The following AGBL4 variants were observed in gnomAD, a reference collection of about 807,000 sequenced individuals.
AGBL4 encodes the protein AGBL carboxypeptidase 4.
A neutral mutation model predicts 66.4 loss-of-function variants in AGBL4; 58 were observed. The ratio of observed to expected loss-of-function variants is 0.87; its 90% CI spans 0.71 to 1.09. The LOEUF is 1.09. Among genes scored for constraint, AGBL4 ranks in the 50% least tolerant of loss-of-function variants. The pLI is 0.00. For synonymous variants in AGBL4, 234 were observed against 222.9 expected (o/e 1.05, Z -0.44); for missense variants, 579 against 631.0 (o/e 0.92, Z 0.88).
chr1:49,881,399 C>A (rs546581444), intron 1 of AGBL4, among the ~76,000 whole-genome samples: 21 of 152,116 alleles, frequency 1.4e-4, no homozygotes, highest in Non-Finnish European at 2.5e-4. Context: ...TGGGTATATA[C>A]CCAGTAATGG....
chr1:48,652,044 A>G (rs2148440455), intron 8 of AGBL4, among the ~76,000 whole-genome samples: 1 of 152,222 alleles, frequency 6.6e-6, no homozygotes, highest in East Asian at 1.9e-4. Flanking sequence ...GAGTTGTTCG[A>G]TAACCAGGCC....
At chr1:49,410,317 A>G (rs1390517564) in intron 3 of AGBL4, among the ~76,000 whole-genome samples, 2 of 152,144 alleles carry the variant, frequency 1.3e-5, no homozygotes, top group Admixed American at 1.3e-4. Context: ...TATGCTCCTA[A>G]CTTTCTTCCC....
chr1:48,953,445 T>C (rs914300521), intron 5 of AGBL4, among the ~76,000 whole-genome samples: 3 of 152,194 alleles, frequency 2.0e-5, no homozygotes, highest in East Asian at 3.9e-4. Flanking sequence ...GCTTGTGTGG[T>C]GTGTCTGATT....
At position 48,736,393 on chromosome 1, in the gene AGBL4, G is replaced by C. The variant is rs764938844; in HGVS notation, c.635-73152C>G. Reference sequence around the variant, plus strand: ...TCTTCGTGTACTTGGAATCTCCTTGGGTTACTTGTAGCTGGTGCCATTTCT... The same window carrying C: ...TCTTCGTGTACTTGGAATCTCCTTGCGTTACTTGTAGCTGGTGCCATTTCT... On this transcript the variant is annotated intron_variant, in intron 6 of 13. Transcript: ENST00000371839. The surrounding 1 kb of genome is among the most constrained non-coding windows in gnomAD (Gnocchi z 4.0). The C allele has an allele frequency of 1.9e-6, 3 of 1,613,912 alleles. No individual in the cohort carries two copies. The highest frequency in any genetic ancestry group is 2.7e-5 in the African/African-American group (2 of 74,834).
At chr1:49,312,149 A>T (rs1644952391) in intron 3 of AGBL4, among the ~76,000 whole-genome samples, 1 of 152,106 alleles carries the variant, frequency 6.6e-6, no homozygotes, top group African/African-American at 2.4e-5. Context: ...ATACCACAGT[A>T]TTAAGAGGTG....
intron 6 of AGBL4, among the ~76,000 whole-genome samples, chr1:48,853,756 G>A (rs1465331318): frequency 6.6e-6 from 1 of 152,014 alleles, no homozygotes; most frequent in Non-Finnish European, 1.5e-5. Flanking sequence ...TCATGGCTGG[G>A]CTAGGTTGAC....
chr1:49,990,445 TGAA>T (rs1225685862), intron 1 of AGBL4, among the ~76,000 whole-genome samples: 2 of 152,148 alleles, frequency 1.3e-5, no homozygotes, highest in Non-Finnish European at 1.5e-5. Flanking sequence ...TGCTGCCTTG[TGAA>T]GAAGGTGACT....
At chr1:48,930,513 A>T (rs1654950617) in intron 5 of AGBL4, among the ~76,000 whole-genome samples, 1 of 152,170 alleles carries the variant, frequency 6.6e-6, no homozygotes, top group Non-Finnish European at 1.5e-5. Flanking sequence ...AGCAACTTAC[A>T]TCTTGATATG....
At chr1:49,704,344 A>C (rs1271727193) in intron 2 of AGBL4, among the ~76,000 whole-genome samples, 2 of 152,104 alleles carry the variant, frequency 1.3e-5, no homozygotes, top group Non-Finnish European at 2.9e-5. Context: ...TGAGCAATTT[A>C]CTTTAACAAA....
chr1:48,746,230 G>GT (rs1008689642), intron 6 of AGBL4, among the ~76,000 whole-genome samples: 6 of 152,108 alleles, frequency 3.9e-5, no homozygotes, highest in South Asian at 2.1e-4. Flanking sequence ...TACAGAGTGG[G>GT]TTTTTTTGGT....
intron 4 of AGBL4, among the ~76,000 whole-genome samples, chr1:49,058,426 G>A (rs1201060635): frequency 6.6e-6 from 1 of 152,200 alleles, no homozygotes. Context: ...TTGCCATCAT[G>A]TGAAGGAGGA....
intron 3 of AGBL4, among the ~76,000 whole-genome samples, chr1:49,544,966 C>A (rs1652360337): frequency 6.6e-6 from 1 of 152,190 alleles, no homozygotes; most frequent in Non-Finnish European, 1.5e-5. Context: ...TTTACATAAT[C>A]TGGCACATGA....
intron 2 of AGBL4, among the ~76,000 whole-genome samples, chr1:49,715,147 G>C (rs995324756): frequency 2.3e-4 from 35 of 151,992 alleles, no homozygotes; most frequent in Admixed American, 6.6e-5. Flanking sequence ...TCTGGTGTGT[G>C]ATGTTCCCCT....
intron 4 of AGBL4, among the ~76,000 whole-genome samples, chr1:49,216,376 C>A (rs1165618264): frequency 1.3e-5 from 2 of 151,672 alleles, no homozygotes; most frequent in Non-Finnish European, 2.9e-5. Context: ...AAGTTTAGTA[C>A]CCAAAAGTTA....
chr1:49,741,872 A>G (rs139927294), intron 2 of AGBL4, among the ~76,000 whole-genome samples: 12,273 of 152,062 alleles, frequency 0.081, 694 homozygotes, highest in African/African-American at 0.17. Flanking sequence ...AAAAACTCTC[A>G]ATAAATTAGG....
rs535848589 is a variant in AGBL4 at position 49,154,409 on chromosome 1, G to A, written c.377+91361C>T. Reference sequence around the variant, plus strand: ...AATAATAGCTATTGCTATTATTATAGTAGGTTCTTTAAATTACATGAAATT... The same window carrying A: ...AATAATAGCTATTGCTATTATTATAATAGGTTCTTTAAATTACATGAAATT... On this transcript the variant is annotated intron_variant, in intron 4 of 13. Coordinates refer to ENST00000371839, the MANE Select transcript of AGBL4 (RefSeq NM_032785.4). 2.1e-4 allele frequency among the ~76,000 whole-genome samples: 32 copies of A among 152,202 alleles called. No homozygotes were observed. In the South Asian group the frequency reaches 6.0e-3, roughly 29 times the overall value.
At chr1:49,307,193 C>A (rs1361956107) in intron 3 of AGBL4, among the ~76,000 whole-genome samples, 1 of 152,104 alleles carries the variant, frequency 6.6e-6, no homozygotes, top group Non-Finnish European at 1.5e-5. Context: ...AAGTCTGGCC[C>A]TTTTCCAAAG....
chr1:49,210,634 A>G (rs1227882691), intron 4 of AGBL4, among the ~76,000 whole-genome samples: 1 of 152,102 alleles, frequency 6.6e-6, no homozygotes, highest in Non-Finnish European at 1.5e-5. Context: ...TGCGTTAATC[A>G]TTTTAAATCT....
At chr1:48,916,786 G>A (rs954671272) in intron 5 of AGBL4, among the ~76,000 whole-genome samples, 7 of 152,070 alleles carry the variant, frequency 4.6e-5, no homozygotes, top group African/African-American at 1.4e-4. Context: ...GGAAGGGGTC[G>A]TTTTTCTTTA....
Sources: gnomAD v4.1 joint callset for allele counts (sites outside exome capture counted in the v4.1 genomes callset) on GRCh38, gnomAD v4.1.1 for gene constraint, Gnocchi (gnomAD v3.1) non-coding constraint, MANE v1.5 for transcripts, NCBI Gene and HGNC (gene_info 2026-07-23, HGNC 2026-07-21) for gene names.